The following NXPH1 variants were observed in gnomAD, a reference collection of about 807,000 sequenced individuals.
NXPH1 encodes the protein neurexophilin-1.
A neutral mutation model predicts 23.7 loss-of-function variants in NXPH1; 5 were observed. That is an observed-to-expected ratio of 0.21 (90% CI 0.11 to 0.44). The LOEUF (loss-of-function observed/expected upper bound fraction) is 0.44. NXPH1 is among the 20% of genes least tolerant of loss of function. The pLI is 0.99. For missense variants in NXPH1, 324 were observed against 321.6 expected (o/e 1.01, Z -0.06); for synonymous variants, 144 against 122.2 (o/e 1.18, Z -1.18).
intron 2 of NXPH1, among the ~76,000 whole-genome samples, chr7:8,447,679 A>G (rs1816428959): frequency 6.6e-6 from 1 of 152,214 alleles, no homozygotes; most frequent in Non-Finnish European, 1.5e-5. Context: ...AAGCATGAAA[A>G]GTGAATGATT....
At chr7:8,665,877 T>C (rs538067589) in intron 2 of NXPH1, among the ~76,000 whole-genome samples, 1 of 151,478 alleles carries the variant, frequency 6.6e-6, no homozygotes, top group Non-Finnish European at 1.5e-5. Flanking sequence ...GCAACTTTAC[T>C]GAATTGATTT....
chr7:8,741,186 G>A (rs531364973), intron 2 of NXPH1, among the ~76,000 whole-genome samples: 1 of 152,170 alleles, frequency 6.6e-6, no homozygotes, highest in South Asian at 2.1e-4. Flanking sequence ...ACAATGTCCT[G>A]TAGGTTCATC....
chr7:8,470,875 T>A (rs919020694), intron 2 of NXPH1, among the ~76,000 whole-genome samples: 16 of 152,174 alleles, frequency 1.1e-4, no homozygotes, highest in African/African-American at 3.6e-4. Flanking sequence ...AATTGATTTT[T>A]TTTTTTAAGA....
Position 8,593,274 on chromosome 7 carries a change from G to A in NXPH1, c.54+157507G>A, listed in dbSNP as rs140977720. Among the ~76,000 whole-genome samples the A allele has an allele frequency of 2.5e-3, 380 of 151,736 alleles. 1 individual carries two copies. Among genetic ancestry groups the A allele is most frequent in the African/African-American group, 8.4e-3 (348 of 41,358 alleles). On this transcript the variant is annotated intron_variant, in intron 2 of 2. Coordinates refer to ENST00000405863, the MANE Select transcript of NXPH1 (RefSeq NM_152745.3). ...ATCTGCCCTTCAAATGGTTTCTCTG[G>A]AAGTGGCTATGAACTGTAGATTTTT... is the stretch of plus-strand genomic sequence containing the variant.
At chr7:8,700,584 C>G (rs906872857) in intron 2 of NXPH1, among the ~76,000 whole-genome samples, 1 of 152,132 alleles carries the variant, frequency 6.6e-6, no homozygotes, top group African/African-American at 2.4e-5. Context: ...TTAAAAAGTA[C>G]TTTAAAAGCA....
intron 2 of NXPH1, among the ~76,000 whole-genome samples, chr7:8,607,916 C>T (rs141438999): frequency 9.1e-4 from 138 of 152,306 alleles, no homozygotes; most frequent in Middle Eastern, 3.4e-3. Context: ...TGAGAAGAGA[C>T]ACACACATAC....
chr7:8,472,745 C>T (rs927364118), intron 2 of NXPH1, among the ~76,000 whole-genome samples: 3 of 152,192 alleles, frequency 2.0e-5, no homozygotes, highest in African/African-American at 7.2e-5. Context: ...AAGAGTTAAA[C>T]TAGGCTGCTG....
At chr7:8,746,639 A>G (rs1456901192) in intron 2 of NXPH1, among the ~76,000 whole-genome samples, 1 of 152,212 alleles carries the variant, frequency 6.6e-6, no homozygotes, top group East Asian at 1.9e-4. Flanking sequence ...TTCAATATAT[A>G]TTGATGCTAT....
intron 2 of NXPH1, among the ~76,000 whole-genome samples, chr7:8,738,662 TCTG>T (rs1475988431): frequency 6.6e-6 from 1 of 152,204 alleles, no homozygotes; most frequent in Non-Finnish European, 1.5e-5. Flanking sequence ...TGCTGGGAGA[TCTG>T]CTGCTCTATT....
intron 2 of NXPH1, among the ~76,000 whole-genome samples, chr7:8,455,828 C>A (rs1816584813): frequency 6.6e-6 from 1 of 152,212 alleles, no homozygotes; most frequent in Non-Finnish European, 1.5e-5. Context: ...TTAAAAAGCA[C>A]ATTGGCATAC....
intron 2 of NXPH1, among the ~76,000 whole-genome samples, chr7:8,627,838 A>C (rs1820026749): frequency 6.6e-6 from 1 of 152,136 alleles, no homozygotes; most frequent in Non-Finnish European, 1.5e-5. Context: ...CCATAAAAGA[A>C]AGCCAGAGGT....
At chr7:8,521,596 G>A (rs983316129) in intron 2 of NXPH1, among the ~76,000 whole-genome samples, 1 of 152,156 alleles carries the variant, frequency 6.6e-6, no homozygotes, top group African/African-American at 2.4e-5. Context: ...GAATGATGGA[G>A]AGACCCTAAT....
intron 2 of NXPH1, among the ~76,000 whole-genome samples, chr7:8,694,386 C>T (rs2214581): frequency 0.17 from 25,517 of 152,110 alleles, 2,602 homozygotes; most frequent in Middle Eastern, 0.34. Context: ...GAAAGTATAG[C>T]TCAGTGCTTT....
chr7:8,445,871 C>T (rs1816395738), intron 2 of NXPH1, among the ~76,000 whole-genome samples: 3 of 152,164 alleles, frequency 2.0e-5, no homozygotes, highest in Admixed American at 6.5e-5. Flanking sequence ...TCAGTGTTTT[C>T]AGCTACAGAA....
intron 2 of NXPH1, among the ~76,000 whole-genome samples, chr7:8,497,816 CTG>C (rs1817363986): frequency 6.6e-6 from 1 of 152,056 alleles, no homozygotes; most frequent in Non-Finnish European, 1.5e-5. Flanking sequence ...TGTAGGTTGC[CTG>C]TTCACTGTGC....
intron 2 of NXPH1, among the ~76,000 whole-genome samples, chr7:8,563,544 A>G (rs1362156307): frequency 6.6e-6 from 1 of 151,792 alleles, no homozygotes; most frequent in Non-Finnish European, 1.5e-5. Context: ...GGATTGAAAC[A>G]AGACTCGGAA....
intron 2 of NXPH1, among the ~76,000 whole-genome samples, chr7:8,467,661 C>G (rs1816806711): frequency 6.6e-6 from 1 of 152,166 alleles, no homozygotes; most frequent in African/African-American, 2.4e-5. Context: ...TTGGGTCTAG[C>G]ATCTTTAGAT....
intron 2 of NXPH1, among the ~76,000 whole-genome samples, chr7:8,716,754 A>G (rs931054344): frequency 6.6e-6 from 1 of 152,186 alleles, no homozygotes; most frequent in Non-Finnish European, 1.5e-5. Flanking sequence ...ATATTTAACT[A>G]GTATGTACCA....
At chr7:8,652,958 C>T (rs971599322) in intron 2 of NXPH1, among the ~76,000 whole-genome samples, 25 of 81,160 alleles carry the variant, frequency 3.1e-4, no homozygotes, top group African/African-American at 8.7e-4. Context: ...TTTGTTAACA[C>T]AGAAAAATAT....
Sources: gnomAD v4.1 joint callset for allele counts (sites outside exome capture counted in the v4.1 genomes callset) on GRCh38, gnomAD v4.1.1 for gene constraint, MANE v1.5 for transcripts, NCBI Gene and HGNC (gene_info 2026-07-23, HGNC 2026-07-21) for gene names.